PRLR: variants seen among roughly 807,000 people sequenced by gnomAD.
The protein encoded by PRLR is hPRL receptor.
A neutral mutation model predicts 40.2 loss-of-function variants in PRLR; 13 were observed. The ratio of observed to expected loss-of-function variants is 0.32; its 90% CI spans 0.21 to 0.51. The LOEUF is 0.51. Among genes scored for constraint, PRLR ranks in the 20% least tolerant of loss-of-function variants. The probability of loss-of-function intolerance (pLI) is 0.97; values close to 1 mark genes in which losing one functional copy is unlikely to be tolerated. For synonymous variants in PRLR, 269 were observed against 278.7 expected, an observed-to-expected ratio of 0.97 and a Z score of 0.35; for missense variants, 656 against 747.3, an observed-to-expected ratio of 0.88 and a Z score of 1.42.
At chr5:35,072,546 T>A in intron 6 of PRLR, 29 bp downstream of exon 6, 1 of 1,602,000 alleles carries the variant, frequency 6.2e-7, no homozygotes, top group Non-Finnish European at 8.5e-7. Flanking sequence ...AAGGCCATAG[T>A]TCCTTCAAAA....
At chr5:35,139,622 G>A (rs759926901) in intron 1 of PRLR, among the ~76,000 whole-genome samples, 1 of 152,106 alleles carries the variant, frequency 6.6e-6, no homozygotes, top group Non-Finnish European at 1.5e-5. Flanking sequence ...ATATTAAAAG[G>A]AACCAAACTA....
intron 1 of PRLR, among the ~76,000 whole-genome samples, chr5:35,197,729 G>C (rs1380320669): frequency 6.6e-6 from 1 of 152,200 alleles, no homozygotes; most frequent in Admixed American, 6.5e-5. Context: ...CCACAAAGAA[G>C]CCTCCCCAAC....
chr5:35,087,158 G>A (rs1316123815), intron 3 of PRLR, among the ~76,000 whole-genome samples: 1 of 151,894 alleles, frequency 6.6e-6, no homozygotes, highest in African/African-American at 2.4e-5. Context: ...ACCCGGCTAA[G>A]TTTTTGTATT....
rs249533 is a variant in PRLR at position 35,098,581 on chromosome 5, C to T, written c.-43-8918G>A. On this transcript the variant is annotated intron_variant, in intron 2 of 9. Coordinates refer to ENST00000618457, the MANE Select transcript of PRLR (RefSeq NM_000949.7). ...GATGGAGCTCTGTGTATATTATATA[C>T]GTGTGTGAATGTGCTGTTCATCCAA... Among the ~76,000 whole-genome samples, 30 of 152,284 alleles carry T rather than the reference C, an allele frequency of 2.0e-4. No individual in the cohort carries two copies. In the East Asian group the frequency reaches 4.4e-3, roughly 22 times the overall value.
At chr5:35,211,055 A>G (rs1345070195) in intron 1 of PRLR, among the ~76,000 whole-genome samples, 1 of 152,172 alleles carries the variant, frequency 6.6e-6, no homozygotes, top group African/African-American at 2.4e-5. Flanking sequence ...GATAATTTCT[A>G]TACAAAGAAG....
intron 1 of PRLR, among the ~76,000 whole-genome samples, chr5:35,137,806 C>T (rs188081153): frequency 6.6e-6 from 1 of 152,046 alleles, no homozygotes; most frequent in Non-Finnish European, 1.5e-5. Context: ...AAAATATTCA[C>T]GAGGCTGAGG....
intron 6 of PRLR, among the ~76,000 whole-genome samples, chr5:35,071,717 C>T (rs542332813): frequency 6.6e-6 from 1 of 152,158 alleles, no homozygotes; most frequent in Non-Finnish European, 1.5e-5. Context: ...CCTGCCTCAG[C>T]CTTCAGAGTA....
chr5:35,174,410 T>A (rs1775089550), intron 1 of PRLR, among the ~76,000 whole-genome samples: 2 of 152,142 alleles, frequency 1.3e-5, no homozygotes, highest in Non-Finnish European at 2.9e-5. Flanking sequence ...TTTTTCTACA[T>A]CGACACATGC....
chr5:35,135,219 G>C (rs976743737), intron 1 of PRLR: 8 of 152,098 alleles, frequency 5.3e-5, no homozygotes, highest in Admixed American at 2.6e-4. Flanking sequence ...TAAGGAAAAG[G>C]CATGAGGAAG....
intron 1 of PRLR, among the ~76,000 whole-genome samples, chr5:35,203,290 G>A (rs2047740): frequency 0.57 from 86,843 of 152,040 alleles, 25,925 homozygotes; most frequent in Non-Finnish European, 0.67. Flanking sequence ...GGCAAAATAT[G>A]GCTAAACTCC....
At chr5:35,189,750 AC>A (rs1410313744) in intron 1 of PRLR, among the ~76,000 whole-genome samples, 3 of 152,116 alleles carry the variant, frequency 2.0e-5, no homozygotes, top group African/African-American at 7.2e-5. Context: ...CAAGCCCCTG[AC>A]CTCTTCAGCC....
intron 1 of PRLR, among the ~76,000 whole-genome samples, chr5:35,209,287 T>G (rs956175170): frequency 2.0e-5 from 3 of 152,214 alleles, no homozygotes; most frequent in African/African-American, 7.2e-5. Flanking sequence ...ATCTATTCTG[T>G]AATATGCTGG....
chr5:35,079,919 C>A (rs916313190), intron 5 of PRLR, among the ~76,000 whole-genome samples: 1 of 152,006 alleles, frequency 6.6e-6, no homozygotes, highest in East Asian at 1.9e-4. Flanking sequence ...ACAAACCTGA[C>A]AAAAACAAGA....
chr5:35,069,877 T>C (rs1769628525), intron 7 of PRLR, among the ~76,000 whole-genome samples: 1 of 152,152 alleles, frequency 6.6e-6, no homozygotes, highest in African/African-American at 2.4e-5. Context: ...TAATAACTGC[T>C]CATCAAGCCC....
At chr5:35,114,531 G>A (rs748193333) in intron 2 of PRLR, among the ~76,000 whole-genome samples, 3 of 152,180 alleles carry the variant, frequency 2.0e-5, no homozygotes, top group Non-Finnish European at 2.9e-5. Flanking sequence ...TTTCTGAGTG[G>A]AGGCCTAATT....
intron 1 of PRLR, among the ~76,000 whole-genome samples, chr5:35,189,770 G>A (rs62355522): frequency 3.9e-5 from 6 of 152,108 alleles, no homozygotes; most frequent in South Asian, 2.1e-4. Flanking sequence ...CCTTAGGTTC[G>A]TTATCTACAA....
chr5:35,139,326 G>C (rs13182275), intron 1 of PRLR, among the ~76,000 whole-genome samples: 31,612 of 151,858 alleles, frequency 0.21, 5,953 homozygotes, highest in African/African-American at 0.5. Context: ...GTAGAGACAG[G>C]GTTTCACCAT....
intron 1 of PRLR, among the ~76,000 whole-genome samples, chr5:35,138,530 A>G (rs1579720820): frequency 6.6e-6 from 1 of 152,206 alleles, no homozygotes; most frequent in African/African-American, 2.4e-5. Context: ...AATGATGCAC[A>G]TTTTGGTTTC....
At chr5:35,204,882 A>G (rs995660471) in intron 1 of PRLR, among the ~76,000 whole-genome samples, 7 of 152,184 alleles carry the variant, frequency 4.6e-5, no homozygotes, top group Non-Finnish European at 1.0e-4. Context: ...ATAACATCAC[A>G]TCTTTGGAGA....
Sources: allele counts gnomAD v4.1 joint callset (sites outside exome capture counted in the v4.1 genomes callset), GRCh38; gene constraint gnomAD v4.1.1; transcripts MANE v1.5; gene names NCBI Gene and HGNC (gene_info 2026-07-23, HGNC 2026-07-21).